The following DZIP3 variants were observed in gnomAD, a reference collection of about 807,000 sequenced individuals.
The protein encoded by DZIP3 is E3 ubiquitin-protein ligase DZIP3.
DZIP3 carries 118 observed loss-of-function variants against 162.0 expected under a neutral mutation model. The ratio of observed to expected loss-of-function variants is 0.73; its 90% CI spans 0.63 to 0.85. DZIP3 has a LOEUF of 0.85. Among genes scored for constraint, DZIP3 ranks in the 40% least tolerant of loss-of-function variants. The pLI, the probability that DZIP3 is intolerant of heterozygous loss-of-function variation, is 0.00. For synonymous variants in DZIP3, 438 were observed against 458.6 expected (o/e 0.96, Z 0.57); for missense variants, 1,331 against 1,407.0 (o/e 0.95, Z 0.86).
At chr3:108,604,233 A>G (rs1286701577) in intron 1 of DZIP3, among the ~76,000 whole-genome samples, 10 of 152,216 alleles carry the variant, frequency 6.6e-5, no homozygotes, top group Admixed American at 6.5e-4. Flanking sequence ...AGCAGTTCAG[A>G]GACAACAAAT....
At chr3:108,663,309 C>T (rs1044689578) in intron 21 of DZIP3, among the ~76,000 whole-genome samples, 4 of 152,138 alleles carry the variant, frequency 2.6e-5, no homozygotes, top group Admixed American at 6.5e-5. Flanking sequence ...GTAATCCCAG[C>T]ACTTTGGGAG....
chr3:108,692,941 A>C (rs1171393653), intron 32 of DZIP3, among the ~76,000 whole-genome samples: 1 of 149,904 alleles, frequency 6.7e-6, no homozygotes, highest in African/African-American at 2.4e-5. Flanking sequence ...ATTTAATATG[A>C]TAAAACTTAT....
In DZIP3 at chr3:108,644,671, T is replaced by C; in HGVS notation, c.1649T>C (p.Val550Ala). The C allele has an allele frequency of 6.2e-7, 1 of 1,613,924 alleles. No homozygotes were observed. Among genetic ancestry groups the C allele is most frequent in the Non-Finnish European group, 8.5e-7 (1 of 1,179,922 alleles). The change falls in exon 14 of 33, where the codon GTG (valine) becomes GCG (alanine). Residue 550 changes from valine (V) to alanine (A), a missense_variant. Transcript: ENST00000361582. ...LGMMQEDIDK[V>A]KENPIENISL... ...ATGATGCAAGAGGATATTGACAAAG[T>C]GAAGGAGAATCCCATTGAGAATATC... is the stretch of plus-strand genomic sequence containing the variant.
intron 2 of DZIP3, 104 bp downstream of exon 2, chr3:108,605,542 T>G: frequency 8.3e-7 from 1 of 1,198,210 alleles, no homozygotes; most frequent in Non-Finnish European, 1.2e-6. Flanking sequence ...GGGGTGAAAC[T>G]GTTCGACTTC....
At chr3:108,642,416 C>G in intron 12 of DZIP3, 22 bp from the exon 13 acceptor site, 1 of 1,464,890 alleles carries the variant, frequency 6.8e-7, no homozygotes, top group Non-Finnish European at 9.2e-7. Flanking sequence ...TCCACTATAA[C>G]TTAATTTTTT....
Position 108,672,669 on chromosome 3 carries a change from C to CG in DZIP3, c.2589+17dup. ...TTTAACAGCCGAGGTAACAACAAAA[C>CG]GGGGACAGGGGTATGGGGTGAGGGG... is the stretch of plus-strand genomic sequence containing the variant. On this transcript the variant is annotated intron_variant, in intron 23 of 32. Coordinates refer to ENST00000361582, the MANE Select transcript of DZIP3 (RefSeq NM_014648.4). The CG allele has an allele frequency of 6.2e-7, 1 of 1,605,482 alleles. No individual in the cohort carries two copies. The highest frequency in any genetic ancestry group is 1.3e-5 in the African/African-American group (1 of 74,404).
intron 26 of DZIP3, among the ~76,000 whole-genome samples, chr3:108,679,019 T>C (rs1944210591): frequency 6.6e-6 from 1 of 152,108 alleles, no homozygotes; most frequent in African/African-American, 2.4e-5. Context: ...TTATGAGCAT[T>C]ATTATTCTAG....
intron 5 of DZIP3, among the ~76,000 whole-genome samples, chr3:108,618,509 T>G (rs1941137755): frequency 6.6e-6 from 1 of 152,190 alleles, no homozygotes; most frequent in Non-Finnish European, 1.5e-5. Flanking sequence ...TAGTAAGTAG[T>G]GGAGTCAGGT....
At chr3:108,608,005 T>C in intron 2 of DZIP3, 84 bp from the exon 3 acceptor site, 2 of 1,181,956 alleles carry the variant, frequency 1.7e-6, no homozygotes, top group Non-Finnish European at 2.5e-6. Flanking sequence ...CAGACAATAA[T>C]TCAATTGTTA....
Position 108,674,273 on chromosome 3 carries a change from A to G in DZIP3, c.2693+92A>G, listed in dbSNP as rs571997494. ...ATATAATCTGTGATGTGTTTTACAT[A>G]TGTGACATCAGAGTTCTTAAAGAAG... On this transcript the variant is annotated intron_variant, in intron 24 of 32. Transcript: ENST00000361582. 1.3e-5 allele frequency: 14 copies of G among 1,083,978 alleles called. No individual in the cohort carries two copies. In the African/African-American group the frequency reaches 2.0e-4, roughly 16 times the overall value. The allele number at this position is 1,083,978 out of a possible 1,614,324, so 67.1% of individuals were successfully genotyped here. A position where few individuals can be genotyped will look rare whatever the true frequency, so the allele number is the denominator to read the frequency against.
intron 32 of DZIP3, among the ~76,000 whole-genome samples, chr3:108,691,868 A>G (rs1262292425): frequency 6.6e-6 from 1 of 152,062 alleles, no homozygotes; most frequent in East Asian, 1.9e-4. Flanking sequence ...CTGAAAACCC[A>G]TTTGTCTTTC....
chr3:108,622,605 CCTT>C (rs1475472198), intron 5 of DZIP3, among the ~76,000 whole-genome samples: 1 of 152,032 alleles, frequency 6.6e-6, no homozygotes, highest in Non-Finnish European at 1.5e-5. Context: ...TTGTACCTGT[CCTT>C]CTTGGGAAGT....
At chr3:108,594,972 C>G (rs1225847103) in intron 1 of DZIP3, among the ~76,000 whole-genome samples, 1 of 152,084 alleles carries the variant, frequency 6.6e-6, no homozygotes, top group Non-Finnish European at 1.5e-5. Context: ...TAGTTTTAAC[C>G]AGTCAGGTAA....
At chr3:108,596,456 T>C (rs1371152776) in intron 1 of DZIP3, among the ~76,000 whole-genome samples, 1 of 152,196 alleles carries the variant, frequency 6.6e-6, no homozygotes, top group Non-Finnish European at 1.5e-5. Context: ...CTGAACTCCC[T>C]GATATTTAAG....
In DZIP3 at chr3:108,687,516, A is replaced by G. The variant is rs539863372; in HGVS notation, c.3150-460A>G. Among the ~76,000 whole-genome samples, 5 of 152,242 alleles carry G rather than the reference A, an allele frequency of 3.3e-5. No homozygotes were observed. In the East Asian group the frequency reaches 9.7e-4, roughly 29 times the overall value. On this transcript the variant is annotated intron_variant, in intron 28 of 32. Transcript: ENST00000361582. ...AACCCTTGCTTTCCTGTTCTGTTTA[A>G]TCTTTGTTTTCTGAGTTTTACGAAA...
intron 21 of DZIP3, among the ~76,000 whole-genome samples, chr3:108,664,161 A>G (rs1943570750): frequency 6.6e-6 from 1 of 152,166 alleles, no homozygotes; most frequent in Non-Finnish European, 1.5e-5. Flanking sequence ...CCTCCCATAT[A>G]TCTCGGGACA....
At chr3:108,646,530 A>G (rs564819516) in intron 14 of DZIP3, 87 bp from the exon 15 acceptor site, 109 of 928,168 alleles carry the variant, frequency 1.2e-4, no homozygotes, top group South Asian at 8.9e-4. Flanking sequence ...TTGGTGCAAT[A>G]TAAAAATATT....
intron 21 of DZIP3, among the ~76,000 whole-genome samples, chr3:108,665,985 A>T (rs1002605113): frequency 2.0e-5 from 3 of 152,078 alleles, no homozygotes; most frequent in Non-Finnish European, 4.4e-5. Flanking sequence ...AAACTTTAAA[A>T]ATATATATAT....
At chr3:108,664,477 C>T (rs189786039) in intron 21 of DZIP3, among the ~76,000 whole-genome samples, 298 of 152,334 alleles carry the variant, frequency 2.0e-3, no homozygotes, top group African/African-American at 6.1e-3. Flanking sequence ...TGCTTTAATT[C>T]CTCTGCCAGG....
Sources: allele counts gnomAD v4.1 joint callset (sites outside exome capture counted in the v4.1 genomes callset), GRCh38; gene constraint gnomAD v4.1.1; transcripts MANE v1.5; gene names NCBI Gene and HGNC (gene_info 2026-07-23, HGNC 2026-07-21).